The following EPHA3 variants were observed in gnomAD, a reference collection of about 807,000 sequenced individuals.
The protein encoded by EPHA3 is ephrin type-A receptor 3.
A neutral mutation model predicts 107.1 loss-of-function variants in EPHA3; 42 were observed. That is an observed-to-expected ratio of 0.39 (90% CI 0.31 to 0.51). The LOEUF (loss-of-function observed/expected upper bound fraction) is 0.51, where lower values mean the gene tolerates loss of function less well. EPHA3 is among the 20% of genes least tolerant of loss of function. The probability of loss-of-function intolerance (pLI) is 0.78; values close to 1 mark genes in which losing one functional copy is unlikely to be tolerated. For synonymous variants in EPHA3, 461 were observed against 424.8 expected, an observed-to-expected ratio of 1.09 and a Z score of -1.05; for missense variants, 1,183 against 1,211.2, an observed-to-expected ratio of 0.98 and a Z score of 0.35.
At chr3:89,251,957 T>C (rs570410540) in intron 3 of EPHA3, among the ~76,000 whole-genome samples, 1 of 152,270 alleles carries the variant, frequency 6.6e-6, no homozygotes, top group Admixed American at 6.5e-5. Flanking sequence ...TTTTACTTTT[T>C]AAATGGAACA....
intron 2 of EPHA3, among the ~76,000 whole-genome samples, chr3:89,197,589 GA>G (rs1277357617): frequency 6.6e-6 from 1 of 152,072 alleles, no homozygotes; most frequent in East Asian, 1.9e-4. Context: ...CAGAAATATA[GA>G]ACATGGTAAA....
chr3:89,447,113 T>C (rs571102510), intron 13 of EPHA3, among the ~76,000 whole-genome samples: 2 of 152,290 alleles, frequency 1.3e-5, no homozygotes, highest in South Asian at 2.1e-4. Flanking sequence ...TTTTGAATTA[T>C]AAAAACATAA....
intron 2 of EPHA3, among the ~76,000 whole-genome samples, chr3:89,179,783 T>A (rs1705400637): frequency 6.6e-6 from 1 of 151,922 alleles, no homozygotes; most frequent in Admixed American, 6.6e-5. Flanking sequence ...AAGTCAAACA[T>A]ACTCACACTT....
At chr3:89,385,070 T>A (rs770610187) in intron 5 of EPHA3, among the ~76,000 whole-genome samples, 1 of 152,204 alleles carries the variant, frequency 6.6e-6, no homozygotes, top group Non-Finnish European at 1.5e-5. Flanking sequence ...ATATTATACA[T>A]ACATATCTCC....
intron 5 of EPHA3, among the ~76,000 whole-genome samples, chr3:89,376,982 C>G (rs1576344962): frequency 6.6e-6 from 1 of 152,016 alleles, no homozygotes; most frequent in South Asian, 2.1e-4. Context: ...TTTTAAGGAA[C>G]GTGTTGGAAA....
chr3:89,115,040 G>A (rs1317908183), intron 1 of EPHA3, among the ~76,000 whole-genome samples: 1 of 152,146 alleles, frequency 6.6e-6, no homozygotes, highest in Admixed American at 6.5e-5. Flanking sequence ...TTCACCAGGT[G>A]ACAGCCAGGG....
intron 3 of EPHA3, among the ~76,000 whole-genome samples, chr3:89,257,573 G>A (rs1368382790): frequency 6.6e-6 from 1 of 151,860 alleles, no homozygotes; most frequent in Non-Finnish European, 1.5e-5. Context: ...GAAGACTAAC[G>A]GGAATATAGC....
chr3:89,446,523 G>C (rs910288835), intron 13 of EPHA3, among the ~76,000 whole-genome samples: 10 of 152,050 alleles, frequency 6.6e-5, no homozygotes, highest in African/African-American at 2.4e-4. Flanking sequence ...TTTTAACCCT[G>C]ATTGAATTAA....
intron 3 of EPHA3, among the ~76,000 whole-genome samples, chr3:89,236,501 A>G (rs1270911638): frequency 1.3e-5 from 2 of 149,070 alleles, no homozygotes; most frequent in Non-Finnish European, 3.0e-5. Context: ...AAATTTAGCA[A>G]TATAGTATTA....
chr3:89,321,807 G>T (rs892296322), intron 3 of EPHA3, among the ~76,000 whole-genome samples: 1 of 151,882 alleles, frequency 6.6e-6, no homozygotes, highest in African/African-American at 2.4e-5. Flanking sequence ...AAGAAAATTT[G>T]GTTAAAATAA....
chr3:89,181,574 T>G (rs1480193371), intron 2 of EPHA3, among the ~76,000 whole-genome samples: 1 of 151,992 alleles, frequency 6.6e-6, no homozygotes, highest in Non-Finnish European at 1.5e-5. Flanking sequence ...ATATACTTAA[T>G]ACTGCGGTGT....
intron 5 of EPHA3, among the ~76,000 whole-genome samples, chr3:89,360,382 T>C (rs1030008644): frequency 6.6e-6 from 1 of 151,014 alleles, no homozygotes; most frequent in Non-Finnish European, 1.5e-5. Context: ...GCACTATGAG[T>C]AATCTGCTGA....
chr3:89,241,731 C>T (rs936185184), intron 3 of EPHA3, among the ~76,000 whole-genome samples: 14 of 152,030 alleles, frequency 9.2e-5, no homozygotes, highest in Admixed American at 2.0e-4. Context: ...GAGAATGCAA[C>T]GTACATTCTT....
chr3:89,243,859 G>A (rs1360703024), intron 3 of EPHA3, among the ~76,000 whole-genome samples: 3 of 151,980 alleles, frequency 2.0e-5, no homozygotes, highest in African/African-American at 4.8e-5. Flanking sequence ...TTATGTAAAC[G>A]TTATCCCACT....
chr3:89,413,951 A>T (rs1008495794), intron 10 of EPHA3, among the ~76,000 whole-genome samples: 8 of 151,714 alleles, frequency 5.3e-5, no homozygotes, highest in Non-Finnish European at 1.0e-4. Flanking sequence ...TAAACACATG[A>T]TATGTGCAGT....
rs2107583123 is a variant in EPHA3, at chr3:89,481,116, G to A, written c.*1614G>A. The A allele has an allele frequency of 4.3e-6, 1 of 232,050 alleles. No individual in the cohort carries two copies. The highest frequency in any genetic ancestry group is 8.5e-6 in the Non-Finnish European group (1 of 117,328). The allele number at this position is 232,050 out of a possible 1,614,324, so 14.4% of individuals were successfully genotyped here. On this transcript the variant is annotated 3_prime_UTR_variant, in exon 17 of 17. Transcript: ENST00000336596. ...GATCTTGAGTATAAGAAATGCATAT[G>A]TCACTAGAATGGATAAAATAATGCT...
At chr3:89,254,979 G>T (rs1705247853) in intron 3 of EPHA3, among the ~76,000 whole-genome samples, 1 of 152,130 alleles carries the variant, frequency 6.6e-6, no homozygotes, top group South Asian at 2.1e-4. Context: ...TTATAATATT[G>T]TGTCAGTAGA....
At chr3:89,372,017 T>A (rs1316867183) in intron 5 of EPHA3, among the ~76,000 whole-genome samples, 2 of 149,046 alleles carry the variant, frequency 1.3e-5, no homozygotes, top group African/African-American at 2.5e-5. Context: ...AAAAAAAAAA[T>A]AAAACCATTT....
At chr3:89,402,656 G>A (rs1448788076) in intron 7 of EPHA3, among the ~76,000 whole-genome samples, 2 of 151,770 alleles carry the variant, frequency 1.3e-5, no homozygotes, top group East Asian at 1.9e-4. Flanking sequence ...TTAACAGTTT[G>A]CTTTTTCCCT....
Sources: allele counts gnomAD v4.1 joint callset (sites outside exome capture counted in the v4.1 genomes callset), GRCh38; gene constraint gnomAD v4.1.1; transcripts MANE v1.5; gene names NCBI Gene and HGNC (gene_info 2026-07-23, HGNC 2026-07-21).